Variants in SCML4 observed in about 807,000 individuals in gnomAD.
SCML4 encodes the protein Scm polycomb group protein like 4, also known as sex comb on midleg-like protein 4.
In SCML4, 34 loss-of-function variants were observed where a neutral mutation model predicts 41.1. That is an observed-to-expected ratio of 0.83 (90% CI 0.63 to 1.10). The LOEUF (loss-of-function observed/expected upper bound fraction) is 1.10. Among genes scored for constraint, SCML4 ranks in the 50% least tolerant of loss-of-function variants. SCML4 has a pLI of 0.00. For missense variants in SCML4, 522 were observed against 534.1 expected (o/e 0.98, Z 0.22); for synonymous variants, 214 against 220.9 (o/e 0.97, Z 0.28).
the SCML4 span, among the ~76,000 whole-genome samples, chr6:107,831,393 G>A: frequency 1.7e-5 from 2 of 117,046 alleles, no homozygotes; most frequent in African/African-American, 3.3e-5. Flanking sequence ...AGATGATGCA[G>A]TCTGAAATTT....
At chr6:107,753,808 G>C (rs1463090617) in intron 2 of SCML4, among the ~76,000 whole-genome samples, 2 of 152,206 alleles carry the variant, frequency 1.3e-5, no homozygotes, top group South Asian at 4.1e-4. Context: ...GAGTAGGTGA[G>C]AGGGTAGGAG....
At chr6:107,745,231 C>G in intron 4 of SCML4, 88 bp from the exon 5 acceptor site, 1 of 1,008,596 alleles carries the variant, frequency 9.9e-7, no homozygotes, top group South Asian at 1.7e-5. Context: ...TTCGTTTGTT[C>G]ATTTTTGTTT....
chr6:107,789,056 G>A (rs1782119467), intron 1 of SCML4, among the ~76,000 whole-genome samples: 1 of 152,192 alleles, frequency 6.6e-6, no homozygotes, highest in Admixed American at 6.5e-5. Context: ...GACACTGTGG[G>A]CAGGTCACTA....
intron 6 of SCML4, chr6:107,719,843 C>G (rs1355469321): frequency 1.0e-5 from 10 of 962,766 alleles, no homozygotes; most frequent in Non-Finnish European, 1.2e-5. Flanking sequence ...CTGTCTGGCT[C>G]TAGTCCCAGT....
chr6:107,742,160 G>T (rs970465291), intron 5 of SCML4, among the ~76,000 whole-genome samples: 1 of 152,108 alleles, frequency 6.6e-6, no homozygotes, highest in South Asian at 2.1e-4. Context: ...AATTATTAGA[G>T]ACTCTCAATA....
chr6:107,816,502 A>G (rs7767273), intron 1 of SCML4, among the ~76,000 whole-genome samples: 4 of 152,142 alleles, frequency 2.6e-5, no homozygotes, highest in African/African-American at 9.7e-5. Context: ...TTCCATTTAG[A>G]TGGATTCTGT....
intron 5 of SCML4, among the ~76,000 whole-genome samples, chr6:107,733,288 T>G (rs561269602): frequency 1.3e-5 from 2 of 152,314 alleles, no homozygotes; most frequent in East Asian, 3.9e-4. Context: ...TCATTCCTCT[T>G]GATTCTGCAT....
chr6:107,749,750 C>T lies in SCML4; in HGVS notation c.220G>A (p.Asp74Asn), dbSNP rs775844019. The T allele has an allele frequency of 1.4e-5, 23 of 1,613,804 alleles. No individual in the cohort carries two copies. Among genetic ancestry groups the T allele is most frequent in the East Asian group, 1.3e-4 (6 of 44,896 alleles). ...LSPPRSTPEP[D>N]LSSIPQDAAT... ...GCGTCCTGAGGGATGGAGCTGAGGTCGGGCTCTGGGGTACTCCGCGGAGGT... is the reference window on the plus strand; with the variant it reads ...GCGTCCTGAGGGATGGAGCTGAGGTTGGGCTCTGGGGTACTCCGCGGAGGT... The change falls in exon 3 of 8, where the codon GAC becomes AAC. Residue 74 changes from aspartate (D) to asparagine (N), a missense_variant. By Grantham distance (23) the Asp-to-Asn change is conservative (BLOSUM62 1). Transcript: ENST00000369020.
chr6:107,755,627 T>C lies in SCML4; in HGVS notation c.157-5814A>G, dbSNP rs747095412. The C allele has an allele frequency of 1.6e-5, 21 of 1,343,570 alleles. 1 individual carries two copies. In the South Asian group the frequency reaches 2.3e-4, roughly 15 times the overall value. 83.2% of individuals were successfully genotyped at this position (1,343,570 alleles called of 1,614,324 possible). Reference sequence around the variant, plus strand: ...CTGTCGCAACCTATCCAAGCTGTTCTCTGGCAGGGCATTTGTCTTTGTTGT... The same window carrying C: ...CTGTCGCAACCTATCCAAGCTGTTCCCTGGCAGGGCATTTGTCTTTGTTGT... On this transcript the variant is annotated intron_variant, in intron 2 of 7. Coordinates refer to ENST00000369020, the MANE Select transcript of SCML4 (RefSeq NM_198081.5).
intron 2 of SCML4, among the ~76,000 whole-genome samples, chr6:107,759,172 C>CAA (rs1248495537): frequency 9.1e-5 from 10 of 109,528 alleles, no homozygotes; most frequent in Non-Finnish European, 1.2e-4. Context: ...CAAAACAAAA[C>CAA]AAAAAAAAAC....
chr6:107,721,375 C>T (rs1030739445), intron 5 of SCML4, among the ~76,000 whole-genome samples: 1 of 151,984 alleles, frequency 6.6e-6, no homozygotes, highest in Non-Finnish European at 1.5e-5. Context: ...ACCAGCCTGG[C>T]CAACATGATG....
intron 1 of SCML4, among the ~76,000 whole-genome samples, chr6:107,796,877 T>A (rs1300648959): frequency 6.6e-6 from 1 of 152,140 alleles, no homozygotes; most frequent in Non-Finnish European, 1.5e-5. Context: ...GGCTGAGGGT[T>A]CACTCTTTCC....
intron 5 of SCML4, among the ~76,000 whole-genome samples, chr6:107,729,618 G>A (rs375916162): frequency 7.8e-4 from 119 of 152,190 alleles, no homozygotes; most frequent in African/African-American, 2.7e-3. Flanking sequence ...GTACATCCAC[G>A]ACATATAATT....
At chr6:107,721,060 G>C in intron 5 of SCML4, 67 bp from the exon 6 acceptor site, 1 of 1,509,082 alleles carries the variant, frequency 6.6e-7, no homozygotes, top group Non-Finnish European at 8.9e-7. Context: ...CAGACCCTCC[G>C]TCTTGGCAAA....
the SCML4 span, among the ~76,000 whole-genome samples, chr6:107,831,413 A>C: frequency 2.2e-5 from 2 of 92,032 alleles, no homozygotes; most frequent in Non-Finnish European, 4.7e-5. Context: ...TTCATTCTCA[A>C]AAAAAAAAAA....
At chr6:107,766,342 C>G (rs1393129473) in intron 2 of SCML4, among the ~76,000 whole-genome samples, 8 of 149,816 alleles carry the variant, frequency 5.3e-5, no homozygotes, top group Non-Finnish European at 1.2e-4. Context: ...TACAGTCCAG[C>G]CTGGGCAATA....
chr6:107,742,149 C>A (rs1268527750), intron 5 of SCML4, among the ~76,000 whole-genome samples: 1 of 151,528 alleles, frequency 6.6e-6, no homozygotes, highest in Non-Finnish European at 1.5e-5. Flanking sequence ...TGAACTAAAA[C>A]AATTATTAGA....
chr6:107,825,740 A>G (rs1785224644), upstream of SCML4, among the ~76,000 whole-genome samples: 1 of 150,596 alleles, frequency 6.6e-6, no homozygotes, highest in South Asian at 2.1e-4. Flanking sequence ...GGAGATCGAG[A>G]CCATCCTGTG....
intron 2 of SCML4, among the ~76,000 whole-genome samples, chr6:107,769,983 G>GT (rs956523652): frequency 8.8e-4 from 134 of 151,946 alleles, no homozygotes; most frequent in Middle Eastern, 3.4e-3. Context: ...CTTGGTCAGG[G>GT]TTTTTTTTAA....
Sources: allele counts gnomAD v4.1 joint callset (sites outside exome capture counted in the v4.1 genomes callset), GRCh38; gene constraint gnomAD v4.1.1; transcripts MANE v1.5; gene names NCBI Gene and HGNC (gene_info 2026-07-23, HGNC 2026-07-21).